Variants in DNAH8 observed in about 807,000 individuals in gnomAD.
DNAH8 encodes axonemal beta dynein heavy chain 8.
In DNAH8, 382 loss-of-function variants were observed where a neutral mutation model predicts 562.1. That is an observed-to-expected ratio of 0.68 (90% CI 0.63 to 0.74). The LOEUF (loss-of-function observed/expected upper bound fraction) is 0.74, where lower values mean the gene tolerates loss of function less well. Among genes scored for constraint, DNAH8 ranks in the 30% least tolerant of loss-of-function variants. The pLI is 0.00. For synonymous variants in DNAH8, 1,881 were observed against 1,919.4 expected (o/e 0.98, Z 0.52); for missense variants, 5,203 against 5,620.4 (o/e 0.93, Z 2.37).
chr6:38,770,319 T>C (rs997246960), intron 11 of DNAH8, 94 bp from the exon 12 acceptor site: 1 of 681,404 alleles, frequency 1.5e-6, no homozygotes, highest in Admixed American at 3.3e-5. Flanking sequence ...TTTCACAGTT[T>C]GATCAGTTCT....
chr6:38,775,688 A>C, intron 12 of DNAH8, 66 bp from the exon 13 acceptor site: 1 of 954,460 alleles, frequency 1.0e-6, no homozygotes, highest in East Asian at 2.5e-5. Flanking sequence ...ATTCATTAAG[A>C]GCTTATTTTA....
rs772344943 is a variant in DNAH8 at position 38,918,025 on chromosome 6, A to G, written c.10409A>G (p.Asp3470Gly). The G allele has an allele frequency of 2.9e-5, 47 of 1,613,158 alleles. No individual in the cohort carries two copies. Among genetic ancestry groups the G allele is most frequent in the Non-Finnish European group, 3.9e-5 (46 of 1,179,336 alleles). The change falls in exon 70 of 93, where the codon GAT becomes GGT. Residue 3470 changes from aspartate (D) to glycine (G), a missense_variant. Physicochemically the swap from Asp to Gly is moderately conservative, Grantham distance 94 (BLOSUM62 -1). Around this residue, in one of 6 missense-constraint regions of DNAH8, gnomAD observed 1,399 missense variants for 1,518.4 expected, o/e 0.92. Coordinates refer to ENST00000327475, the MANE Select transcript of DNAH8 (RefSeq NM_001206927.2). ...VELLQPYFNMDDYTFESAKKV... is the reference protein window; with the variant it reads ...VELLQPYFNMGDYTFESAKKV... ...TTACTACAGCCATATTTTAATATGGATGATTATACTTTTGAAAGTGCCAAA... is the reference window on the plus strand; with the variant it reads ...TTACTACAGCCATATTTTAATATGGGTGATTATACTTTTGAAAGTGCCAAA...
Position 38,894,716 on chromosome 6 carries a change from A to G in DNAH8, c.8599A>G (p.Thr2867Ala). Residue 2867 changes from threonine to alanine, a missense_variant, in exon 59 of 93, where the codon ACT becomes GCT. This residue lies in a region of DNAH8 where 977 missense variants were observed against 1,061.8 expected (regional missense o/e 0.92). Coordinates refer to ENST00000327475, the MANE Select transcript of DNAH8 (RefSeq NM_001206927.2). ...WQWTKVKMLP[T>A]PSKFHYIFNL... ...TCATCTCTAGGTGAAGATGCTGCCA[A>G]CTCCTTCTAAATTTCATTACATCTT... 1.9e-6 allele frequency: 3 copies of G among 1,613,710 alleles called. No individual in the cohort carries two copies. Among genetic ancestry groups the G allele is most frequent in the Non-Finnish European group, 2.5e-6 (3 of 1,179,830 alleles).
intron 3 of DNAH8, among the ~76,000 whole-genome samples, chr6:38,728,895 A>G (rs1176081088): frequency 6.6e-6 from 1 of 152,186 alleles, no homozygotes; most frequent in Admixed American, 6.5e-5. Context: ...TACTTCCGCT[A>G]GGCAGTCAGT....
At chr6:38,767,559 G>A (rs972401319) in intron 11 of DNAH8, among the ~76,000 whole-genome samples, 2 of 151,988 alleles carry the variant, frequency 1.3e-5, no homozygotes, top group Non-Finnish European at 2.9e-5. Context: ...AACAATATTT[G>A]TTCTTTTGTG....
chr6:38,768,044 C>T (rs1434123633), intron 11 of DNAH8, among the ~76,000 whole-genome samples: 1 of 152,082 alleles, frequency 6.6e-6, no homozygotes, highest in Non-Finnish European at 1.5e-5. Flanking sequence ...TTTGCTTTCC[C>T]TAGTGGCTAG....
chr6:38,999,695 T>G (rs1438483726), intron 88 of DNAH8, among the ~76,000 whole-genome samples: 2 of 151,818 alleles, frequency 1.3e-5, no homozygotes, highest in African/African-American at 4.8e-5. Context: ...CAAGTAACTC[T>G]GAGAGGGGGA....
chr6:38,949,608 A>G (rs1761720496), intron 81 of DNAH8, 38 bp downstream of exon 81: 1 of 1,162,960 alleles, frequency 8.6e-7, no homozygotes, highest in Non-Finnish European at 1.3e-6. Flanking sequence ...AGCATCACTC[A>G]TAATATTGCT....
Position 38,778,252 on chromosome 6 carries a change from G to T in DNAH8, c.1963-136G>T, listed in dbSNP as rs370627768. 1,011 of 539,554 alleles carry T rather than the reference G, an allele frequency of 1.9e-3. 26 individuals are homozygous for T. In the South Asian group the frequency reaches 0.027, roughly 15 times the overall value. The allele number at this position is 539,554 out of a possible 1,614,324, so 33.4% of individuals were successfully genotyped here. ...AAAGTCCATCATACTGGACGATGCA[G>T]TTCTTGATGCTTAGATGGTAGATGT... On this transcript the variant is annotated intron_variant, in intron 13 of 92. Coordinates refer to ENST00000327475, the MANE Select transcript of DNAH8 (RefSeq NM_001206927.2).
rs140369493 is a variant in DNAH8 at position 38,965,065 on chromosome 6, A to AAAAATAAAAT, written c.12452-6484_12452-6475dup. ...GGCGACAAAGCAAGATTCTGTCTCA[A>AAAAATAAAAT]AAAATAAAATAAAATAAAATAAAAT... On this transcript the variant is annotated intron_variant, in intron 82 of 92. Coordinates refer to ENST00000327475, the MANE Select transcript of DNAH8 (RefSeq NM_001206927.2). Among the ~76,000 whole-genome samples the AAAAATAAAAT allele has an allele frequency of 2.4e-3, 350 of 144,618 alleles. 3 individuals are homozygous for AAAAATAAAAT. Among genetic ancestry groups the AAAAATAAAAT allele is most frequent in the African/African-American group, 8.1e-3 (315 of 38,762 alleles). 94.9% of individuals were successfully genotyped at this position (144,618 alleles called of 152,430 possible).
chr6:38,803,431 G>T (rs1770966173), intron 22 of DNAH8, 120 bp downstream of exon 22: 1 of 681,372 alleles, frequency 1.5e-6, no homozygotes, highest in Admixed American at 3.0e-5. Flanking sequence ...CAAAGAAGGT[G>T]TTCAGCATAA....
chr6:38,810,913 A>G (rs1771738364), intron 24 of DNAH8, among the ~76,000 whole-genome samples: 1 of 152,132 alleles, frequency 6.6e-6, no homozygotes, highest in African/African-American at 2.4e-5. Flanking sequence ...CTTTCATAAC[A>G]TTTTGGCTGG....
chr6:38,862,603 A>G (rs541037736), intron 44 of DNAH8, 145 bp downstream of exon 44: 14 of 962,466 alleles, frequency 1.5e-5, no homozygotes, highest in Non-Finnish European at 2.1e-5. Flanking sequence ...CCATTTTTCT[A>G]GGTCAAAAAT....
intron 53 of DNAH8, among the ~76,000 whole-genome samples, chr6:38,877,235 G>C (rs1317788925): frequency 1.3e-5 from 2 of 152,106 alleles, no homozygotes; most frequent in Non-Finnish European, 2.9e-5. Flanking sequence ...GCAGAGCCTT[G>C]GTTAGGGGAT....
chr6:39,026,488 T>C, intron 91 of DNAH8, 58 bp from the exon 92 acceptor site: 2 of 1,540,398 alleles, frequency 1.3e-6, no homozygotes, highest in East Asian at 4.5e-5. Flanking sequence ...ATTGCTTCCT[T>C]CTTGTTTTTA....
rs1561888205 is a variant in DNAH8 at position 38,938,123 on chromosome 6, G to A, written c.11713G>A (p.Gly3905Arg). 7.4e-6 allele frequency: 12 copies of A among 1,613,978 alleles called. No individual in the cohort carries two copies. Among genetic ancestry groups the A allele is most frequent in the South Asian group, 3.3e-5 (3 of 91,070 alleles). Residue 3905 changes from glycine (G) to arginine (R), a missense_variant, in exon 78 of 93, where the codon GGA becomes AGA. By Grantham distance (125) the Gly-to-Arg change is moderately radical. This residue lies in a region of DNAH8 where 1,399 missense variants were observed against 1,518.4 expected (regional missense o/e 0.92). Transcript: ENST00000327475. ...GGAGTTCCGGCCCGCAGCCACCCGCGGAAGCATCCTCTACTTCCTCATCAC... is the reference window on the plus strand; with the variant it reads ...GGAGTTCCGGCCCGCAGCCACCCGCAGAAGCATCCTCTACTTCCTCATCAC... Reference protein sequence around the residue: ...QEEFRPAATRGSILYFLITEM... With the variant: ...QEEFRPAATRRSILYFLITEM...
intron 11 of DNAH8, among the ~76,000 whole-genome samples, chr6:38,770,033 T>A (rs962540466): frequency 2.0e-5 from 3 of 152,194 alleles, no homozygotes; most frequent in African/African-American, 7.2e-5. Flanking sequence ...GAAAAATGAT[T>A]GTCAGATGAT....
chr6:38,945,327 CATTTTCTGTA>C, intron 79 of DNAH8, 130 bp from the exon 80 acceptor site: 2 of 894,780 alleles, frequency 2.2e-6, no homozygotes, highest in Non-Finnish European at 1.7e-6. Context: ...AAAACCCTCA[CATTTTCTGTA>C]ATATTATTAT....
chr6:38,924,452 C>A (rs569531760), intron 73 of DNAH8, among the ~76,000 whole-genome samples: 9 of 151,890 alleles, frequency 5.9e-5, no homozygotes, highest in African/African-American at 2.2e-4. Flanking sequence ...GCAATGGTTC[C>A]GAGATCACGC....
Sources: allele counts gnomAD v4.1 joint callset (sites outside exome capture counted in the v4.1 genomes callset), GRCh38; gene constraint gnomAD v4.1.1; regional missense constraint gnomAD v4.1.1; transcripts MANE v1.5; gene names NCBI Gene and HGNC (gene_info 2026-07-23, HGNC 2026-07-21).